Variants in PPP1R13B observed in about 807,000 individuals in gnomAD.
PPP1R13B encodes the protein protein phosphatase 1 regulatory subunit 13B.
In PPP1R13B, 44 loss-of-function variants were observed where a neutral mutation model predicts 119.8. That is an observed-to-expected ratio of 0.37 (90% CI 0.29 to 0.47). The LOEUF (loss-of-function observed/expected upper bound fraction) is 0.47. Ranked by LOEUF, PPP1R13B falls within the 20% of genes least tolerant of loss-of-function variation. PPP1R13B has a pLI of 0.99. For synonymous variants in PPP1R13B, 542 were observed against 561.5 expected, an observed-to-expected ratio of 0.97 and a Z score of 0.49; for missense variants, 1,227 against 1,413.5, an observed-to-expected ratio of 0.87 and a Z score of 2.12.
chr14:103,791,251 C>G (rs1221083339), intron 2 of PPP1R13B, among the ~76,000 whole-genome samples: 1 of 152,024 alleles, frequency 6.6e-6, no homozygotes, highest in Non-Finnish European at 1.5e-5. Flanking sequence ...CCTACTGTAG[C>G]TGGGACTACA....
chr14:103,773,715 G>A (rs1248019907), intron 4 of PPP1R13B, among the ~76,000 whole-genome samples: 4 of 152,178 alleles, frequency 2.6e-5, no homozygotes, highest in African/African-American at 9.7e-5. Flanking sequence ...ACAACACCAT[G>A]TACCTCTGGA....
intron 4 of PPP1R13B, among the ~76,000 whole-genome samples, chr14:103,760,746 C>T (rs2084785168): frequency 2.6e-5 from 4 of 152,166 alleles, no homozygotes; most frequent in Admixed American, 2.6e-4. Flanking sequence ...GGCAACATCA[C>T]TTGTTTTCCA....
chr14:103,846,897 G>A (rs1396563777), intron 1 of PPP1R13B: 4 of 793,536 alleles, frequency 5.0e-6, no homozygotes, highest in Non-Finnish European at 7.3e-6. Context: ...TGGGAACTCC[G>A]GGCGCGGGTG....
chr14:103,835,416 C>T (rs1383839137), intron 1 of PPP1R13B, among the ~76,000 whole-genome samples: 4 of 149,230 alleles, frequency 2.7e-5, no homozygotes, highest in Non-Finnish European at 4.5e-5. Context: ...TGAGCCACTG[C>T]GCCCAGCACT....
At chr14:103,848,334 C>T, upstream of PPP1R13B, 1 of 985,460 alleles carries the variant, frequency 1.0e-6, no homozygotes, top group Non-Finnish European at 1.2e-6. Flanking sequence ...TCCTCGTCTC[C>T]AGGGCCTGGG....
At chr14:103,794,160 G>A (rs1219973415) in intron 2 of PPP1R13B, among the ~76,000 whole-genome samples, 1 of 152,078 alleles carries the variant, frequency 6.6e-6, no homozygotes, top group Non-Finnish European at 1.5e-5. Flanking sequence ...TGTTGTTTAA[G>A]CCACCCAGTC....
At chr14:103,848,614 C>T (rs893271035), upstream of PPP1R13B, 10 of 569,440 alleles carry the variant, frequency 1.8e-5, no homozygotes, top group Non-Finnish European at 2.0e-5. Context: ...AGGCGTAAGC[C>T]GCCCTGGGAA....
chr14:103,750,028 G>C, intron 7 of PPP1R13B, 94 bp from the exon 8 acceptor site: 1 of 1,398,342 alleles, frequency 7.2e-7, no homozygotes, highest in Middle Eastern at 1.9e-4. Context: ...GTAGCATTAA[G>C]TTCTCATGTA....
intron 1 of PPP1R13B, among the ~76,000 whole-genome samples, chr14:103,843,341 T>A: frequency 6.6e-6 from 1 of 152,006 alleles, no homozygotes; most frequent in East Asian, 1.9e-4. Flanking sequence ...GCCACTGCAC[T>A]CTAGCCTGGG....
At chr14:103,762,903 C>G (rs2084843728) in intron 4 of PPP1R13B, 1 of 948,316 alleles carries the variant, frequency 1.1e-6, no homozygotes, top group African/African-American at 1.6e-5. Context: ...GAGCAAATTT[C>G]CATCAGGACA....
At position 103,835,275 on chromosome 14, in the gene PPP1R13B, A is replaced by G. The variant is rs193288649; in HGVS notation, c.9+12024T>C. Among the ~76,000 whole-genome samples the G allele has an allele frequency of 1.3e-3, 200 of 152,226 alleles. 2 individuals are homozygous for G. The highest frequency in any genetic ancestry group is 2.8e-4 in the Non-Finnish European group (19 of 68,016). ...GTAGCTGGGACCACTGGTGTCAGCC[A>G]CCATGTCCAGCTAATTTTTGTATTA... On this transcript the variant is annotated intron_variant, in intron 1 of 16. Coordinates refer to ENST00000202556, the MANE Select transcript of PPP1R13B (RefSeq NM_015316.3).
chr14:103,831,496 C>T (rs910668142), intron 1 of PPP1R13B, among the ~76,000 whole-genome samples: 2 of 149,692 alleles, frequency 1.3e-5, no homozygotes, highest in East Asian at 2.0e-4. Context: ...TTTTTAGTAC[C>T]GAGAGGGTTT....
At chr14:103,801,634 A>T (rs1567134961) in intron 1 of PPP1R13B, among the ~76,000 whole-genome samples, 1 of 151,982 alleles carries the variant, frequency 6.6e-6, no homozygotes. Context: ...CTATTGCATC[A>T]CCTCAATGAC....
chr14:103,739,700 G>A (rs934495316), intron 12 of PPP1R13B, 124 bp downstream of exon 12: 45 of 1,205,008 alleles, frequency 3.7e-5, no homozygotes, highest in African/African-American at 4.6e-5. Context: ...CCTACAAGAC[G>A]TAACTCAGGG....
At chr14:103,814,093 T>C (rs1342631315) in intron 1 of PPP1R13B, among the ~76,000 whole-genome samples, 16 of 152,226 alleles carry the variant, frequency 1.1e-4, no homozygotes, top group Admixed American at 1.0e-3. Flanking sequence ...CTCACACCTG[T>C]AATCCAGCAC....
At chr14:103,823,103 C>T (rs960221422) in intron 1 of PPP1R13B, among the ~76,000 whole-genome samples, 2 of 152,032 alleles carry the variant, frequency 1.3e-5, no homozygotes, top group African/African-American at 2.4e-5. Context: ...CTTTGGGAGG[C>T]TGAGGCAGGC....
chr14:103,846,631 G>A, intron 1 of PPP1R13B: 1 of 418,666 alleles, frequency 2.4e-6, no homozygotes, highest in South Asian at 1.7e-5. Context: ...AAAGGGAAGG[G>A]TCGGTAGGAC....
chr14:103,846,360 C>G (rs1000156940), intron 1 of PPP1R13B, among the ~76,000 whole-genome samples: 1 of 152,272 alleles, frequency 6.6e-6, no homozygotes, highest in East Asian at 1.9e-4. Context: ...TGGCAATATT[C>G]AAGTAGAGAA....
intron 2 of PPP1R13B, among the ~76,000 whole-genome samples, chr14:103,789,684 T>C (rs1259643606): frequency 1.3e-5 from 2 of 151,880 alleles, no homozygotes; most frequent in Non-Finnish European, 2.9e-5. Flanking sequence ...CAGCTAACTT[T>C]TGTGTTTTTA....
Sources: allele counts gnomAD v4.1 joint callset (sites outside exome capture counted in the v4.1 genomes callset), GRCh38; gene constraint gnomAD v4.1.1; transcripts MANE v1.5; gene names NCBI Gene and HGNC (gene_info 2026-07-23, HGNC 2026-07-21).